The following C8orf34 variants were observed in gnomAD, a reference collection of about 807,000 sequenced individuals.
C8orf34 encodes uncharacterized protein C8orf34.
C8orf34 carries 65 observed loss-of-function variants against 68.3 expected under a neutral mutation model. The ratio of observed to expected loss-of-function variants is 0.95; its 90% CI spans 0.78 to 1.17. C8orf34 has a LOEUF of 1.17. C8orf34 is among the 50% of genes most tolerant of loss of function. The pLI is 0.00. For missense variants in C8orf34, 664 were observed against 655.4 expected (o/e 1.01, Z -0.14); for synonymous variants, 244 against 241.2 (o/e 1.01, Z -0.11).
chr8:68,720,615 A>G (rs1821642753), intron 9 of C8orf34, among the ~76,000 whole-genome samples: 1 of 151,852 alleles, frequency 6.6e-6, no homozygotes, highest in African/African-American at 2.4e-5. Flanking sequence ...TTTAATTTGA[A>G]AAGAAGGAGT....
At chr8:68,768,078 G>C (rs1053747990) in intron 10 of C8orf34, among the ~76,000 whole-genome samples, 7 of 152,122 alleles carry the variant, frequency 4.6e-5, no homozygotes, top group Admixed American at 4.6e-4. Context: ...AGCTCCTGAA[G>C]ATAACCCTTA....
intron 8 of C8orf34, among the ~76,000 whole-genome samples, chr8:68,662,184 T>G (rs184448413): frequency 1.3e-5 from 2 of 152,270 alleles, no homozygotes; most frequent in Non-Finnish European, 2.9e-5. Flanking sequence ...CAAACAAAAG[T>G]TGTTTTGTTA....
chr8:68,624,228 C>T (rs1463111934), intron 7 of C8orf34, among the ~76,000 whole-genome samples: 6 of 149,260 alleles, frequency 4.0e-5, no homozygotes, highest in African/African-American at 9.9e-5. Flanking sequence ...GCCGAGATCA[C>T]GCCATTGCAC....
intron 3 of C8orf34, among the ~76,000 whole-genome samples, chr8:68,458,420 G>A (rs1439944347): frequency 6.6e-6 from 1 of 151,974 alleles, no homozygotes; most frequent in Admixed American, 6.6e-5. Context: ...GCTGTGTCTG[G>A]TAGATATCCA....
At chr8:68,420,622 T>C (rs570671226) in intron 1 of C8orf34, among the ~76,000 whole-genome samples, 7 of 152,110 alleles carry the variant, frequency 4.6e-5, no homozygotes, top group African/African-American at 1.7e-4. Context: ...AAGGACAGTC[T>C]AGGGATATAA....
intron 10 of C8orf34, among the ~76,000 whole-genome samples, chr8:68,766,563 T>C (rs1823181598): frequency 1.3e-5 from 2 of 152,206 alleles, no homozygotes; most frequent in Non-Finnish European, 2.9e-5. Context: ...ACAATAAGAA[T>C]GTCATTTAAC....
chr8:68,667,720 A>G (rs1201909925), intron 8 of C8orf34, among the ~76,000 whole-genome samples: 1 of 152,184 alleles, frequency 6.6e-6, no homozygotes, highest in East Asian at 1.9e-4. Flanking sequence ...TTTTACACCA[A>G]TATTTTAGTC....
chr8:68,613,681 G>T (rs962358201), intron 7 of C8orf34, among the ~76,000 whole-genome samples: 4 of 151,678 alleles, frequency 2.6e-5, no homozygotes, highest in Non-Finnish European at 5.9e-5. Flanking sequence ...TCTTAATCCA[G>T]TCTATCATTG....
At chr8:68,458,524 T>C (rs931450123) in intron 3 of C8orf34, among the ~76,000 whole-genome samples, 4 of 152,192 alleles carry the variant, frequency 2.6e-5, no homozygotes, top group African/African-American at 7.2e-5. Context: ...TGATAACATA[T>C]AGTGATTAGC....
At chr8:68,420,442 C>G (rs143147758) in intron 1 of C8orf34, among the ~76,000 whole-genome samples, 124 of 152,108 alleles carry the variant, frequency 8.2e-4, no homozygotes, top group Middle Eastern at 3.4e-3. Flanking sequence ...CCACAGGTAC[C>G]AGGCGCTACT....
Position 68,577,782 on chromosome 8 carries a change from G to C in C8orf34, c.1105+44633G>C, listed in dbSNP as rs75046219. ...AAACTTGGATTGTAAAATAAACGTG[G>C]TATACAATATGTTTTTATGTAAAGA... On this transcript the variant is annotated intron_variant, in intron 7 of 13. Coordinates refer to ENST00000518698, the MANE Select transcript of C8orf34 (RefSeq NM_052958.4). Among the ~76,000 whole-genome samples the C allele has an allele frequency of 4.9e-3, 745 of 151,636 alleles. 6 individuals carry two copies. The highest frequency in any genetic ancestry group is 0.017 in the African/African-American group (719 of 41,400).
chr8:68,574,979 T>A (rs1239726430), intron 7 of C8orf34, among the ~76,000 whole-genome samples: 1 of 151,994 alleles, frequency 6.6e-6, no homozygotes, highest in African/African-American at 2.4e-5. Context: ...AAATTCCTTT[T>A]TGTATATGTA....
At chr8:68,406,609 C>T (rs1258616805) in intron 1 of C8orf34, among the ~76,000 whole-genome samples, 2 of 151,982 alleles carry the variant, frequency 1.3e-5, no homozygotes, top group African/African-American at 4.8e-5. Flanking sequence ...GATTCTCGGG[C>T]CCCAGCCTTT....
chr8:68,450,691 G>A (rs1177601268), intron 3 of C8orf34, among the ~76,000 whole-genome samples: 1 of 152,122 alleles, frequency 6.6e-6, no homozygotes, highest in African/African-American at 2.4e-5. Flanking sequence ...TAGGTCTCAA[G>A]ATCGGGCTTA....
At chr8:68,436,326 A>T (rs1228126980) in intron 1 of C8orf34, among the ~76,000 whole-genome samples, 1 of 152,210 alleles carries the variant, frequency 6.6e-6, no homozygotes. Context: ...TTTTATTGAT[A>T]TAAGTATGAA....
chr8:68,777,262 T>C (rs1461289990), intron 11 of C8orf34, among the ~76,000 whole-genome samples: 2 of 152,202 alleles, frequency 1.3e-5, no homozygotes, highest in Non-Finnish European at 2.9e-5. Context: ...ATGCCTCTTG[T>C]AATATGTCCT....
chr8:68,747,547 C>G (rs1049692083), intron 10 of C8orf34, among the ~76,000 whole-genome samples: 1 of 150,302 alleles, frequency 6.7e-6, no homozygotes, highest in East Asian at 1.9e-4. Context: ...TCTCAGGATA[C>G]AAAATCAATG....
intron 3 of C8orf34, among the ~76,000 whole-genome samples, chr8:68,466,454 T>G (rs1162106684): frequency 6.6e-6 from 1 of 152,034 alleles, no homozygotes; most frequent in African/African-American, 2.4e-5. Context: ...ATACAGTGAC[T>G]TGATCACTAC....
At chr8:68,461,697 C>T (rs913649644) in intron 3 of C8orf34, among the ~76,000 whole-genome samples, 38 of 152,110 alleles carry the variant, frequency 2.5e-4, no homozygotes, top group Non-Finnish European at 3.2e-4. Context: ...AACTAAGCTT[C>T]GTAAGTGAAG....
Sources: allele counts gnomAD v4.1 joint callset (sites outside exome capture counted in the v4.1 genomes callset), GRCh38; gene constraint gnomAD v4.1.1; transcripts MANE v1.5; gene names NCBI Gene and HGNC (gene_info 2026-07-23, HGNC 2026-07-21).